Variants in PDZRN3 observed in about 807,000 individuals in gnomAD.
The protein encoded by PDZRN3 is E3 ubiquitin-protein ligase PDZRN3.
PDZRN3 carries 38 observed loss-of-function variants against 85.7 expected under a neutral mutation model. That is an observed-to-expected ratio of 0.44 (90% CI 0.34 to 0.58). The LOEUF (loss-of-function observed/expected upper bound fraction) is 0.58. PDZRN3 is among the 20% of genes least tolerant of loss of function. The pLI is 0.01. For missense variants in PDZRN3, 1,629 were observed against 1,506.4 expected (o/e 1.08, Z -1.35); for synonymous variants, 759 against 638.0 (o/e 1.19, Z -2.86).
intron 3 of PDZRN3, among the ~76,000 whole-genome samples, chr3:73,521,975 T>C (rs1704378028): frequency 6.6e-6 from 1 of 152,224 alleles, no homozygotes; most frequent in Non-Finnish European, 1.5e-5. Context: ...ATCTGGCCCA[T>C]GGGCTGTTTC....
rs7652948 is a variant in PDZRN3, at chr3:73,455,950, T to C, written c.919-51555A>G. ...AGTTATGGGAATTAGACTTATTAGTTAATTACAGAACCAGCAGAGGGAGCA... is the reference window on the plus strand; with the variant it reads ...AGTTATGGGAATTAGACTTATTAGTCAATTACAGAACCAGCAGAGGGAGCA... On this transcript the variant is annotated intron_variant, in intron 3 of 9. Transcript: ENST00000263666. Among the ~76,000 whole-genome samples, 360 of 152,338 alleles carry C rather than the reference T, an allele frequency of 2.4e-3. 3 individuals carry two copies. Among genetic ancestry groups the C allele is most frequent in the African/African-American group, 6.9e-3 (285 of 41,574 alleles).
chr3:73,469,060 A>G (rs1053578236), intron 3 of PDZRN3, among the ~76,000 whole-genome samples: 1 of 151,966 alleles, frequency 6.6e-6, no homozygotes, highest in Non-Finnish European at 1.5e-5. Flanking sequence ...TATTTCTTTC[A>G]AGAAAAAAAG....
intron 4 of PDZRN3, among the ~76,000 whole-genome samples, chr3:73,403,198 G>GGC (rs1701789143): frequency 6.6e-6 from 1 of 152,062 alleles, no homozygotes; most frequent in Non-Finnish European, 1.5e-5. Flanking sequence ...CACCTGCCTC[G>GGC]GCCTCCCGAA....
At chr3:73,402,563 G>A (rs907272520) in intron 4 of PDZRN3, 24 of 152,278 alleles carry the variant, frequency 1.6e-4, no homozygotes, top group Admixed American at 1.4e-3. Context: ...CACACTGTGA[G>A]TGAATGTGAG....
chr3:73,519,892 T>C (rs1357408886), intron 3 of PDZRN3, among the ~76,000 whole-genome samples: 1 of 152,070 alleles, frequency 6.6e-6, no homozygotes, highest in Non-Finnish European at 1.5e-5. Flanking sequence ...TGCTAGACCT[T>C]ACTGGCCAGA....
rs758884560 is a variant in PDZRN3 at position 73,384,115 on chromosome 3, C to T, written c.2451G>A (p.Val817=). The change falls in exon 10 of 10, where the codon GTG becomes GTA. Residue 817 remains valine, a synonymous_variant. Transcript: ENST00000263666. ...GGGACGGGCTATAGGTAGGGGTGCCCACTTCGGGATCTTCCGTGATGGAGA... is the reference window on the plus strand; with the variant it reads ...GGGACGGGCTATAGGTAGGGGTGCCTACTTCGGGATCTTCCGTGATGGAGA... ...NLLSITEDPE[V]GTPTYSPSLK... is the part of the protein sequence containing the mutation. 3 of 1,614,026 alleles carry T rather than the reference C, an allele frequency of 1.9e-6. No homozygotes were observed. In the South Asian group the frequency reaches 3.3e-5, roughly 18 times the overall value.
chr3:73,547,448 T>C (rs922488585), intron 3 of PDZRN3, among the ~76,000 whole-genome samples: 2 of 152,208 alleles, frequency 1.3e-5, no homozygotes, highest in Non-Finnish European at 2.9e-5. Flanking sequence ...AGGCAGTCCC[T>C]TGGTAAGAAT....
intron 3 of PDZRN3, 40 bp downstream of exon 3, chr3:73,602,314 C>A: frequency 9.4e-7 from 1 of 1,061,596 alleles, no homozygotes; most frequent in African/African-American, 1.6e-5. Context: ...GATGGGATGG[C>A]ATTCAGCCTA....
chr3:73,547,253 G>A (rs995652878), intron 3 of PDZRN3, among the ~76,000 whole-genome samples: 2 of 152,184 alleles, frequency 1.3e-5, no homozygotes, highest in Admixed American at 6.5e-5. Context: ...TAAAAGCTCT[G>A]GAATCTTCAT....
chr3:73,556,711 C>T (rs1239767645), intron 3 of PDZRN3: 1 of 152,278 alleles, frequency 6.6e-6, no homozygotes, highest in Admixed American at 6.5e-5. Flanking sequence ...TGAAGAATGA[C>T]ATCTGAGCAG....
intron 3 of PDZRN3, among the ~76,000 whole-genome samples, chr3:73,452,718 G>A (rs1702888658): frequency 6.6e-6 from 1 of 152,116 alleles, no homozygotes; most frequent in African/African-American, 2.4e-5. Flanking sequence ...TTTAAGTTGT[G>A]AGTTACTCTG....
At chr3:73,542,879 G>A (rs1559730303) in intron 3 of PDZRN3, among the ~76,000 whole-genome samples, 1 of 152,162 alleles carries the variant, frequency 6.6e-6, no homozygotes, top group African/African-American at 2.4e-5. Context: ...CATGTGGAAC[G>A]TCATCATCAA....
At chr3:73,513,565 T>C (rs891956697) in intron 3 of PDZRN3, among the ~76,000 whole-genome samples, 1 of 152,206 alleles carries the variant, frequency 6.6e-6, no homozygotes, top group South Asian at 2.1e-4. Flanking sequence ...TGTTCCTAAC[T>C]ACAGCCACTG....
At chr3:73,504,909 G>A (rs1704043685) in intron 3 of PDZRN3, among the ~76,000 whole-genome samples, 1 of 152,122 alleles carries the variant, frequency 6.6e-6, no homozygotes, top group South Asian at 2.1e-4. Context: ...AAGGCTTCCT[G>A]GGAAATTCTC....
At chr3:73,567,291 G>A (rs1701967107) in intron 3 of PDZRN3, among the ~76,000 whole-genome samples, 1 of 151,842 alleles carries the variant, frequency 6.6e-6, no homozygotes, top group African/African-American at 2.4e-5. Context: ...TGCATATGTT[G>A]GACTCTACAA....
At chr3:73,565,775 T>C (rs1310651772) in intron 3 of PDZRN3, among the ~76,000 whole-genome samples, 2 of 141,448 alleles carry the variant, frequency 1.4e-5, no homozygotes, top group Non-Finnish European at 3.0e-5. Flanking sequence ...CTGTCTCTAC[T>C]AAAAATACAA....
intron 5 of PDZRN3, among the ~76,000 whole-genome samples, chr3:73,397,746 G>A (rs1701669309): frequency 6.6e-6 from 1 of 152,176 alleles, no homozygotes. Context: ...GTCCAAAACT[G>A]CCAGGTTCAC....
At chr3:73,521,821 G>A (rs939979687) in intron 3 of PDZRN3, among the ~76,000 whole-genome samples, 1 of 152,140 alleles carries the variant, frequency 6.6e-6, no homozygotes, top group African/African-American at 2.4e-5. Flanking sequence ...CAGGCCCTCA[G>A]AAATGTTTGT....
At chr3:73,557,460 G>A (rs1271361718) in intron 3 of PDZRN3, among the ~76,000 whole-genome samples, 1 of 152,144 alleles carries the variant, frequency 6.6e-6, no homozygotes, top group Non-Finnish European at 1.5e-5. Flanking sequence ...ATTGCTGTGT[G>A]GCAATAAAAT....
Sources: allele counts gnomAD v4.1 joint callset (sites outside exome capture counted in the v4.1 genomes callset), GRCh38; gene constraint gnomAD v4.1.1; transcripts MANE v1.5; gene names NCBI Gene and HGNC (gene_info 2026-07-23, HGNC 2026-07-21).